The following SDHD variants were observed in gnomAD, a reference collection of about 807,000 sequenced individuals.
SDHD encodes succinate dehydrogenase [ubiquinone] cytochrome b small subunit, mitochondrial.
In SDHD, 6 loss-of-function variants were observed where a neutral mutation model predicts 18.7. The observed-to-expected ratio is 0.32, with a 90% CI of 0.18 to 0.63. The LOEUF is 0.63. Ranked by LOEUF, SDHD falls within the 30% of genes least tolerant of loss-of-function variation. The pLI is 0.79. For missense variants in SDHD, 160 were observed against 192.7 expected, an observed-to-expected ratio of 0.83 and a Z score of 1.00; for synonymous variants, 56 against 73.9, an observed-to-expected ratio of 0.76 and a Z score of 1.24.
intron 2 of SDHD, chr11:112,088,361 A>C: frequency 2.9e-6 from 1 of 345,514 alleles, no homozygotes; most frequent in South Asian, 2.3e-5. Flanking sequence ...CACCATGCCC[A>C]GCTAAGTTTT....
chr11:112,086,879 G>T lies in SDHD; in HGVS notation c.-29G>T. ...TTGTCGCCTAAGTGGTTCCGGGTTG[G>T]TGGATGACCTTGAGCCCTCAGGAAC... On this transcript the variant is annotated 5_prime_UTR_variant, in exon 1 of 4. Coordinates refer to ENST00000375549, the MANE Select transcript of SDHD (RefSeq NM_003002.4). 1 of 1,614,224 alleles carries T rather than the reference G, an allele frequency of 6.2e-7. No homozygotes were observed. The highest frequency in any genetic ancestry group is 1.3e-5 in the African/African-American group (1 of 75,050).
chr11:112,091,580 C>G (rs1865746184), intron 3 of SDHD, among the ~76,000 whole-genome samples: 1 of 152,146 alleles, frequency 6.6e-6, no homozygotes. Flanking sequence ...TAATTGACAT[C>G]CACTTGGATG....
In SDHD at chr11:112,094,247, A is replaced by G. The variant is rs193205355; in HGVS notation, c.315-558A>G. Among the ~76,000 whole-genome samples the G allele has an allele frequency of 7.0e-3, 1,071 of 152,038 alleles. 5 individuals are homozygous for G. Among genetic ancestry groups the G allele is most frequent in the Middle Eastern group, 0.041 (12 of 294 alleles). On this transcript the variant is annotated intron_variant, in intron 3 of 3. Coordinates refer to ENST00000375549, the MANE Select transcript of SDHD (RefSeq NM_003002.4). Reference sequence around the variant, plus strand: ...ACCCTGTCTCTACTAAAAATACAAAAATTAGCTGGGTGTGGTGGTGGGCGC... The same window carrying G: ...ACCCTGTCTCTACTAAAAATACAAAGATTAGCTGGGTGTGGTGGTGGGCGC...
intron 3 of SDHD, among the ~76,000 whole-genome samples, chr11:112,091,304 G>A (rs757311663): frequency 4.6e-5 from 7 of 152,066 alleles, no homozygotes; most frequent in Non-Finnish European, 7.3e-5. Context: ...TTCCAAATCC[G>A]GTTGTCTATT....
chr11:112,088,102 T>A, intron 2 of SDHD, 129 bp downstream of exon 2: 1 of 775,934 alleles, frequency 1.3e-6, no homozygotes. Flanking sequence ...AATGAAGACC[T>A]AGTTTACACC....
intron 3 of SDHD, among the ~76,000 whole-genome samples, chr11:112,090,082 G>T (rs1451137823): frequency 6.8e-6 from 1 of 146,918 alleles, no homozygotes; most frequent in Non-Finnish European, 1.5e-5. Flanking sequence ...GAATGAATGA[G>T]CATCCAGCGC....
intron 3 of SDHD, chr11:112,091,190 C>T (rs1865739496): frequency 1.6e-6 from 1 of 616,852 alleles, no homozygotes; most frequent in Non-Finnish European, 2.0e-6. Flanking sequence ...ATAATGTGCT[C>T]CACTTCCTCA....
chr11:112,088,183 T>G, intron 2 of SDHD: 1 of 596,500 alleles, frequency 1.7e-6, no homozygotes. Context: ...AGCCTAAGTC[T>G]TTACAAATTT....
Position 112,094,852 on chromosome 11 carries a change from A to G in SDHD, c.362A>G (p.Gln121Arg). The stretch of plus-strand genomic sequence containing the variant: ...GACTATGTTCATGGGGATGCCTTGC[A>G]GAAAGCTGCCAAGGCAGGGCTTTTG... ...VTDYVHGDAL[Q>R]KAAKAGLLAL... The change falls in exon 4 of 4, where the codon CAG becomes CGG. Residue 121 changes from glutamine to arginine, a missense_variant. Coordinates refer to ENST00000375549, the MANE Select transcript of SDHD (RefSeq NM_003002.4). 6.2e-7 allele frequency: 1 copy of G among 1,612,022 alleles called. No individual in the cohort carries two copies. Among genetic ancestry groups the G allele is most frequent in the Non-Finnish European group, 8.5e-7 (1 of 1,179,810 alleles).
Position 112,094,925 on chromosome 11 carries a change from C to T in SDHD, c.435C>T (p.His145=), listed in dbSNP as rs200062830. ...CTGGGCTTTGCTATTTCAACTATCA[C>T]GATGTGGGCATCTGCAAAGCTGTTG... The part of the protein sequence containing the change: ...TFAGLCYFNY[H]DVGICKAVAM... The change falls in exon 4 of 4, where the codon CAC becomes CAT. Residue 145 remains histidine (H), a synonymous_variant. Coordinates refer to ENST00000375549, the MANE Select transcript of SDHD (RefSeq NM_003002.4). The T allele has an allele frequency of 8.1e-6, 13 of 1,610,950 alleles. No homozygotes were observed. Among genetic ancestry groups the T allele is most frequent in the Middle Eastern group, 2.2e-4 (1 of 4,450 alleles).
Position 112,088,820 on chromosome 11 carries a change from ATG to A in SDHD, c.170-41_170-40del, listed in dbSNP as rs1248788605. ...GTGTGGCATATGTTGAACATGAAAGATGTGTGTTTCTCACATCAACTTTTATG... is the reference window on the plus strand; with the variant it reads ...GTGTGGCATATGTTGAACATGAAAGATGTGTTTCTCACATCAACTTTTATG... On this transcript the variant is annotated intron_variant, in intron 2 of 3. Coordinates refer to ENST00000375549, the MANE Select transcript of SDHD (RefSeq NM_003002.4). The A allele has an allele frequency of 3.1e-6, 5 of 1,609,996 alleles. No homozygotes were observed. The East Asian group carries it at 8.9e-5, about 29-fold the overall frequency.
intron 3 of SDHD, 60 bp from the exon 4 acceptor site, chr11:112,094,745 A>T: frequency 6.8e-7 from 1 of 1,473,776 alleles, no homozygotes; most frequent in Non-Finnish European, 9.4e-7. Context: ...AGTTATCTGT[A>T]TAGTCTTCTA....
At chr11:112,087,789 A>G (rs935386642) in intron 1 of SDHD, 68 bp from the exon 2 acceptor site, 10 of 975,658 alleles carry the variant, frequency 1.0e-5, no homozygotes, top group Non-Finnish European at 1.7e-5. Flanking sequence ...ACCTATGGTC[A>G]TTTAGAAAGT....
intron 1 of SDHD, 70 bp downstream of exon 1, chr11:112,087,029 T>C: frequency 6.4e-7 from 1 of 1,554,742 alleles, no homozygotes; most frequent in Middle Eastern, 1.7e-4. Context: ...AAGTGAGGAC[T>C]CATCTGCCGG....
chr11:112,094,175 G>A (rs1865797449), intron 3 of SDHD, among the ~76,000 whole-genome samples: 2 of 151,982 alleles, frequency 1.3e-5, no homozygotes, highest in South Asian at 2.1e-4. Context: ...TGAGGTGGGC[G>A]GATCACAAGG....
intron 3 of SDHD, among the ~76,000 whole-genome samples, chr11:112,094,591 TC>T (rs1335276183): frequency 6.6e-6 from 1 of 152,140 alleles, no homozygotes; most frequent in Admixed American, 6.5e-5. Context: ...AGACTTTGTC[TC>T]TAAAGAAAAG....
In SDHD at chr11:112,095,633, A is replaced by G. The variant is rs200264243; in HGVS notation, c.*663A>G. ...CTGTAAATTGAGATTTAATTCCCAAATGTATTCTACTTGTTCTAAAACAAT... is the reference window on the plus strand; with the variant it reads ...CTGTAAATTGAGATTTAATTCCCAAGTGTATTCTACTTGTTCTAAAACAAT... On this transcript the variant is annotated 3_prime_UTR_variant, in exon 4 of 4. Transcript: ENST00000375549. 283 of 226,916 alleles carry G rather than the reference A, an allele frequency of 1.2e-3. No individual in the cohort carries two copies. Among genetic ancestry groups the G allele is most frequent in the Non-Finnish European group, 1.6e-3 (180 of 114,348 alleles). 14.1% of individuals were successfully genotyped at this position (226,916 alleles called of 1,614,324 possible).
In SDHD at chr11:112,095,121, A is replaced by G. The variant is rs201713939; in HGVS notation, c.*151A>G. Reference sequence around the variant, plus strand: ...ATCACAAGATTATTTTCAGAATTTAATCTTTGAGGAAAAGGTTTGAGAGGA... The same window carrying G: ...ATCACAAGATTATTTTCAGAATTTAGTCTTTGAGGAAAAGGTTTGAGAGGA... On this transcript the variant is annotated 3_prime_UTR_variant, in exon 4 of 4. Coordinates refer to ENST00000375549, the MANE Select transcript of SDHD (RefSeq NM_003002.4). 6 of 713,074 alleles carry G rather than the reference A, an allele frequency of 8.4e-6. No homozygotes were observed. Among genetic ancestry groups the G allele is most frequent in the South Asian group, 6.1e-5 (4 of 65,596 alleles). 44.2% of individuals were successfully genotyped at this position (713,074 alleles called of 1,614,324 possible).
Position 112,086,964 on chromosome 11 carries a change from G to A in SDHD, c.52+5G>A, listed in dbSNP as rs1592777393. 1 of 1,614,160 alleles carries A rather than the reference G, an allele frequency of 6.2e-7. No homozygotes were observed. Among genetic ancestry groups the A allele is most frequent in the Non-Finnish European group, 8.5e-7 (1 of 1,180,014 alleles). On this transcript the variant is annotated splice_donor_5th_base_variant and intron_variant, in intron 1 of 3. Coordinates refer to ENST00000375549, the MANE Select transcript of SDHD (RefSeq NM_003002.4). ...GCGGTGCCCTAGGAGGCCGAGGTGA[G>A]GGGTCTTCCCACCCTGAGGTGCTTA...
Sources: gnomAD v4.1 joint callset for allele counts (sites outside exome capture counted in the v4.1 genomes callset) on GRCh38, gnomAD v4.1.1 for gene constraint, MANE v1.5 for transcripts, NCBI Gene and HGNC (gene_info 2026-07-23, HGNC 2026-07-21) for gene names.